LRP1B: variants seen among roughly 807,000 people sequenced by gnomAD.
The protein encoded by LRP1B is LDL receptor related protein 1B, also known as low-density lipoprotein receptor-related protein 1B.
Under a neutral mutation model 556.6 loss-of-function variants are expected in LRP1B, and 217 were observed. The observed-to-expected ratio is 0.39, with a 90% confidence interval of 0.35 to 0.44. The LOEUF (loss-of-function observed/expected upper bound fraction) is 0.44. LRP1B is among the 20% of genes least tolerant of loss of function. The pLI, the probability that LRP1B is intolerant of heterozygous loss-of-function variation, is 1.00. For synonymous variants in LRP1B, 2,047 were observed against 1,865.8 expected (o/e 1.10, Z -2.50); for missense variants, 5,053 against 5,620.8 (o/e 0.90, Z 3.23).
At chr2:140,461,036 C>G (rs1687293764) in intron 60 of LRP1B, among the ~76,000 whole-genome samples, 1 of 145,558 alleles carries the variant, frequency 6.9e-6, no homozygotes, top group Non-Finnish European at 1.5e-5. Context: ...GCACTCCAGC[C>G]TGGGTGACAG....
intron 33 of LRP1B, among the ~76,000 whole-genome samples, chr2:140,772,692 T>C (rs1689356435): frequency 6.6e-6 from 1 of 152,190 alleles, no homozygotes; most frequent in Admixed American, 6.5e-5. Flanking sequence ...GCCAATCTTT[T>C]AGAGAGTTGT....
At chr2:140,945,842 A>G (rs1695527689) in intron 20 of LRP1B, among the ~76,000 whole-genome samples, 1 of 152,168 alleles carries the variant, frequency 6.6e-6, no homozygotes, top group African/African-American at 2.4e-5. Context: ...AATTGCAACA[A>G]AAGATATTTA....
chr2:140,292,472 T>G (rs1302019632), intron 84 of LRP1B, among the ~76,000 whole-genome samples: 1 of 152,136 alleles, frequency 6.6e-6, no homozygotes, highest in Non-Finnish European at 1.5e-5. Flanking sequence ...CCCTTGCTAC[T>G]TCCGCTTTGC....
intron 3 of LRP1B, among the ~76,000 whole-genome samples, chr2:141,367,248 C>T (rs963203890): frequency 1.3e-5 from 2 of 151,856 alleles, no homozygotes; most frequent in Admixed American, 1.3e-4. Flanking sequence ...TAAGAATAAA[C>T]AGTATGTACC....
chr2:141,219,027 CTG>C (rs1213503596), intron 6 of LRP1B, among the ~76,000 whole-genome samples: 1 of 152,212 alleles, frequency 6.6e-6, no homozygotes, highest in Non-Finnish European at 1.5e-5. Context: ...CAGTGAGTAA[CTG>C]TGCTGCCCTG....
chr2:141,455,253 A>C (rs1041982500), intron 3 of LRP1B, among the ~76,000 whole-genome samples: 1 of 151,990 alleles, frequency 6.6e-6, no homozygotes, highest in Non-Finnish European at 1.5e-5. Context: ...ATCATTAAAA[A>C]AAAAAAAGGA....
chr2:141,797,546 T>C (rs759402801), intron 2 of LRP1B, among the ~76,000 whole-genome samples: 14 of 152,092 alleles, frequency 9.2e-5, no homozygotes, highest in Non-Finnish European at 1.9e-4. Flanking sequence ...GTATATATTT[T>C]CAAATTCACA....
intron 41 of LRP1B, among the ~76,000 whole-genome samples, chr2:140,676,415 A>G (rs996689206): frequency 6.6e-6 from 1 of 152,210 alleles, no homozygotes; most frequent in Non-Finnish European, 1.5e-5. Flanking sequence ...TGATTCATAA[A>G]TTTAAAGCCA....
At chr2:140,322,144 A>T in intron 81 of LRP1B, 56 bp from the exon 82 acceptor site, 1 of 1,512,858 alleles carries the variant, frequency 6.6e-7, no homozygotes, top group Non-Finnish European at 9.0e-7. Flanking sequence ...ATAGGCTTCA[A>T]AAGCATAAAA....
intron 41 of LRP1B, among the ~76,000 whole-genome samples, chr2:140,649,914 T>C (rs114325978): frequency 0.032 from 4,860 of 152,324 alleles, 117 homozygotes; most frequent in Non-Finnish European, 0.048. Context: ...TATATTTTTG[T>C]GGTAAAAATA....
At chr2:140,292,642 G>T (rs1164672765) in intron 84 of LRP1B, among the ~76,000 whole-genome samples, 5 of 152,116 alleles carry the variant, frequency 3.3e-5, no homozygotes, top group African/African-American at 9.7e-5. Flanking sequence ...AGTAGCCTCT[G>T]TGTTTCATTA....
intron 1 of LRP1B, among the ~76,000 whole-genome samples, chr2:141,854,469 A>G (rs1294444281): frequency 6.6e-6 from 1 of 152,108 alleles, no homozygotes; most frequent in Non-Finnish European, 1.5e-5. Flanking sequence ...ATACATGAAT[A>G]ACTCGTAAGC....
chr2:141,007,659 T>C (rs1697616937), intron 14 of LRP1B, among the ~76,000 whole-genome samples: 1 of 151,640 alleles, frequency 6.6e-6, no homozygotes, highest in Non-Finnish European at 1.5e-5. Flanking sequence ...TTTAGTAGCA[T>C]TCAGATTCTG....
chr2:141,505,336 T>C (rs1427865429), intron 2 of LRP1B, among the ~76,000 whole-genome samples: 11 of 152,086 alleles, frequency 7.2e-5, no homozygotes. Context: ...ACCAGGCCTC[T>C]AGGGCCTCGT....
rs1423412691 is a variant in LRP1B, at chr2:141,015,884, C to T, written c.2002G>A (p.Glu668Lys). ...ATCCTTCCCACGCTGTCATCTATTTCATCTTCCTCCCAGTCTGTCCAATAC... is the reference window on the plus strand; with the variant it reads ...ATCCTTCCCACGCTGTCATCTATTTTATCTTCCTCCCAGTCTGTCCAATAC... ...WMYWTDWEED[E>K]IDDSVGRIEK... is the part of the protein sequence containing the mutation. Residue 668 changes from glutamate (E) to lysine (K), a missense_variant, in exon 13 of 91, where the codon GAA (glutamate) becomes AAA (lysine). Coordinates refer to ENST00000389484, the MANE Select transcript of LRP1B (RefSeq NM_018557.3). The T allele has an allele frequency of 4.3e-6, 7 of 1,613,484 alleles. No homozygotes were observed. The highest frequency in any genetic ancestry group is 5.9e-6 in the Non-Finnish European group (7 of 1,179,674).
chr2:140,743,563 G>T (rs1026095847), intron 35 of LRP1B, among the ~76,000 whole-genome samples: 13 of 152,046 alleles, frequency 8.6e-5, no homozygotes, highest in African/African-American at 2.9e-4. Context: ...TCCTCATAAG[G>T]TTCTGATGAG....
chr2:141,335,780 C>T (rs989026177), intron 3 of LRP1B, among the ~76,000 whole-genome samples: 9 of 151,944 alleles, frequency 5.9e-5, no homozygotes, highest in African/African-American at 2.2e-4. Flanking sequence ...AAGGGAGGGA[C>T]ACAGAGATGG....
intron 49 of LRP1B, among the ~76,000 whole-genome samples, chr2:140,518,333 GT>G: frequency 6.6e-6 from 1 of 152,186 alleles, no homozygotes; most frequent in African/African-American, 2.4e-5. Context: ...CTTCCTGTCT[GT>G]CTGTCTACCT....
chr2:142,069,953 C>T (rs1359095397), intron 1 of LRP1B, among the ~76,000 whole-genome samples: 2 of 151,622 alleles, frequency 1.3e-5, no homozygotes, highest in East Asian at 1.9e-4. Context: ...TGAACACAAA[C>T]GTAGTTTAGC....
Sources: allele counts gnomAD v4.1 joint callset (sites outside exome capture counted in the v4.1 genomes callset), GRCh38; gene constraint gnomAD v4.1.1; transcripts MANE v1.5; gene names NCBI Gene and HGNC (gene_info 2026-07-23, HGNC 2026-07-21).